Variants in TNFRSF1B observed in about 807,000 individuals in gnomAD.
TNFRSF1B encodes the protein tumor necrosis factor receptor superfamily member 1B.
Under a neutral mutation model 44.6 loss-of-function variants are expected in TNFRSF1B, and 19 were observed. The observed-to-expected ratio is 0.43, with a 90% confidence interval of 0.30 to 0.62. TNFRSF1B has a LOEUF of 0.62. Ranked by LOEUF, TNFRSF1B falls within the 20% of genes least tolerant of loss-of-function variation. The pLI, the probability that TNFRSF1B is intolerant of heterozygous loss-of-function variation, is 0.16. For synonymous variants in TNFRSF1B, 252 were observed against 261.1 expected (o/e 0.97, Z 0.34); for missense variants, 541 against 619.9 (o/e 0.87, Z 1.35).
At position 12,177,387 on chromosome 1, in the gene TNFRSF1B, G is replaced by C. The variant is rs947117557; in HGVS notation, c.78+10218G>C. ...TCGGTCACAGGGCCAGCCCGGTCCTGGTCACCGCTGGCTGGTTACCCCGGC... is the reference window on the plus strand; with the variant it reads ...TCGGTCACAGGGCCAGCCCGGTCCTCGTCACCGCTGGCTGGTTACCCCGGC... On this transcript the variant is annotated intron_variant, in intron 1 of 9. Coordinates refer to ENST00000376259, the MANE Select transcript of TNFRSF1B (RefSeq NM_001066.3). The surrounding 1 kb of genome is among the most constrained non-coding windows in gnomAD (Gnocchi z 4.3). Among the ~76,000 whole-genome samples, 1 of 152,124 alleles carries C rather than the reference G, an allele frequency of 6.6e-6. No individual in the cohort carries two copies. Among genetic ancestry groups the C allele is most frequent in the African/African-American group, 2.4e-5 (1 of 41,428 alleles).
chr1:12,202,330 G>A (rs561753096), intron 9 of TNFRSF1B, among the ~76,000 whole-genome samples, 159 bp downstream of exon 9: 15 of 152,222 alleles, frequency 9.9e-5, no homozygotes, highest in Non-Finnish European at 1.9e-4. Flanking sequence ...GTTCCCTCCC[G>A]CCTTTGCCCA....
At position 12,179,287 on chromosome 1, in the gene TNFRSF1B, C is replaced by T. The variant is rs1337038453; in HGVS notation, c.79-9509C>T. On this transcript the variant is annotated intron_variant, in intron 1 of 9. Coordinates refer to ENST00000376259, the MANE Select transcript of TNFRSF1B (RefSeq NM_001066.3). ...TCCTAACGCAGATGCCATTCCTCTC[C>T]GTGACGGCAGACGGGCCTCCGCTGT... Among the ~76,000 whole-genome samples, 6 of 152,182 alleles carry T rather than the reference C, an allele frequency of 3.9e-5. No individual in the cohort carries two copies. In the South Asian group the frequency reaches 6.2e-4, roughly 16 times the overall value.
At chr1:12,175,904 A>G (rs1297121641) in intron 1 of TNFRSF1B, among the ~76,000 whole-genome samples, 3 of 151,844 alleles carry the variant, frequency 2.0e-5, no homozygotes, top group Non-Finnish European at 2.9e-5. Flanking sequence ...GTGGGGAGAG[A>G]GATATGGAGG....
chr1:12,178,358 T>C lies in TNFRSF1B; in HGVS notation c.79-10438T>C, dbSNP rs1287551177. On this transcript the variant is annotated intron_variant, in intron 1 of 9. Coordinates refer to ENST00000376259, the MANE Select transcript of TNFRSF1B (RefSeq NM_001066.3). The surrounding 1 kb of genome is among the most constrained non-coding windows in gnomAD (Gnocchi z 4.3). Reference sequence around the variant, plus strand: ...CGGGCACGGTGCCAAGCACGCCACGTATACTGACTTCATGAATCATAAAGC... The same window carrying C: ...CGGGCACGGTGCCAAGCACGCCACGCATACTGACTTCATGAATCATAAAGC... Among the ~76,000 whole-genome samples the C allele has an allele frequency of 1.3e-5, 2 of 152,166 alleles. No individual in the cohort carries two copies. Among genetic ancestry groups the C allele is most frequent in the Non-Finnish European group, 2.9e-5 (2 of 68,032 alleles).
Position 12,202,989 on chromosome 1 carries a change from C to T in TNFRSF1B, c.1105+818C>T, listed in dbSNP as rs892581340. Among the ~76,000 whole-genome samples, 12 of 152,358 alleles carry T rather than the reference C, an allele frequency of 7.9e-5. No homozygotes were observed. The East Asian group carries it at 1.2e-3, about 15-fold the overall frequency. ...CTGTGGGGATTGTGTCCCATTTATGCAGGCTGCATTGTGCCCTGGACCTGG... is the reference window on the plus strand; with the variant it reads ...CTGTGGGGATTGTGTCCCATTTATGTAGGCTGCATTGTGCCCTGGACCTGG... On this transcript the variant is annotated intron_variant, in intron 9 of 9. Coordinates refer to ENST00000376259, the MANE Select transcript of TNFRSF1B (RefSeq NM_001066.3).
chr1:12,182,137 G>A (rs1200405293), intron 1 of TNFRSF1B, among the ~76,000 whole-genome samples: 1 of 152,222 alleles, frequency 6.6e-6, no homozygotes, highest in African/African-American at 2.4e-5. Flanking sequence ...TGGAGGTGAG[G>A]AGGCCTCTTT....
rs968607715 is a variant in TNFRSF1B, at chr1:12,169,885, A to G, written c.78+2716A>G. 6.6e-6 allele frequency among the ~76,000 whole-genome samples: 1 copy of G among 152,146 alleles called. No homozygotes were observed. Among genetic ancestry groups the G allele is most frequent in the Non-Finnish European group, 1.5e-5 (1 of 68,024 alleles). On this transcript the variant is annotated intron_variant, in intron 1 of 9. Coordinates refer to ENST00000376259, the MANE Select transcript of TNFRSF1B (RefSeq NM_001066.3). The surrounding 1 kb of genome is among the most constrained non-coding windows in gnomAD (Gnocchi z 4.5). Reference sequence around the variant, plus strand: ...TGGGCCTGGCCCACCTACCCCTGGAAGTCTTGGTGCTGAGGTGCCACTATT... The same window carrying G: ...TGGGCCTGGCCCACCTACCCCTGGAGGTCTTGGTGCTGAGGTGCCACTATT...
In TNFRSF1B at chr1:12,199,595, C is replaced by A. The variant is rs1639343511; in HGVS notation, c.901-2372C>A. Among the ~76,000 whole-genome samples the A allele has an allele frequency of 6.6e-6, 1 of 152,146 alleles. No individual in the cohort carries two copies. The highest frequency in any genetic ancestry group is 1.5e-5 in the Non-Finnish European group (1 of 68,026). ...TCAGGTGTCCGAGAAGCCATGGGAG[C>A]CGGGGGCTGCAGGGATTGGACAGAG... On this transcript the variant is annotated intron_variant, in intron 8 of 9. Transcript: ENST00000376259. This position sits in a 1 kb window ranked among gnomAD's most constrained non-coding sequence, Gnocchi z 4.0.
At chr1:12,175,351 G>A (rs1443785070) in intron 1 of TNFRSF1B, among the ~76,000 whole-genome samples, 1 of 152,226 alleles carries the variant, frequency 6.6e-6, no homozygotes, top group African/African-American at 2.4e-5. Context: ...CAGCAGGAGT[G>A]AGTGGCTTTG....
chr1:12,193,204 C>G (rs1392148906), intron 6 of TNFRSF1B, 106 bp downstream of exon 6: 23 of 998,410 alleles, frequency 2.3e-5, no homozygotes, highest in Non-Finnish European at 1.5e-6. Context: ...GGGGGCTGGA[C>G]CCTGTGCCCT....
intron 2 of TNFRSF1B, among the ~76,000 whole-genome samples, chr1:12,190,715 G>C (rs1235713548): frequency 6.6e-6 from 1 of 152,082 alleles, no homozygotes; most frequent in Non-Finnish European, 1.5e-5. Context: ...TAGGGCTCCA[G>C]TGGTGGAGGT....
rs913228756 is a variant in TNFRSF1B, at chr1:12,199,443, G to C, written c.901-2524G>C. ...CTTCTGCTCCTGCCACGGACCAGCT[G>C]TGTGATGCTGGGCACAGGATGCACT... On this transcript the variant is annotated intron_variant, in intron 8 of 9. Coordinates refer to ENST00000376259, the MANE Select transcript of TNFRSF1B (RefSeq NM_001066.3). This position sits in a 1 kb window ranked among gnomAD's most constrained non-coding sequence, Gnocchi z 4.0. 3.9e-5 allele frequency among the ~76,000 whole-genome samples: 6 copies of C among 152,274 alleles called. No homozygotes were observed. Among genetic ancestry groups the C allele is most frequent in the African/African-American group, 1.4e-4 (6 of 41,470 alleles).
intron 8 of TNFRSF1B, among the ~76,000 whole-genome samples, chr1:12,197,815 G>A (rs994170300): frequency 3.9e-5 from 6 of 152,236 alleles, no homozygotes; most frequent in East Asian, 3.9e-4. Flanking sequence ...AGACAGTGGC[G>A]TTCCTTTGTT....
In TNFRSF1B at chr1:12,207,041, T is replaced by A. The variant is rs1272713712; in HGVS notation, c.*21T>A. The stretch of plus-strand genomic sequence containing the variant: ...GTTAACCAGGCCGGTGTGGGCTGTG[T>A]CGTAGCCAAGGTGGGCTGAGCCCTG... On this transcript the variant is annotated 3_prime_UTR_variant, in exon 10 of 10. Coordinates refer to ENST00000376259, the MANE Select transcript of TNFRSF1B (RefSeq NM_001066.3). The A allele has an allele frequency of 4.5e-6, 7 of 1,547,552 alleles. No homozygotes were observed. In the African/African-American group the frequency reaches 9.6e-5, roughly 21 times the overall value.
rs1639406742 is a variant in TNFRSF1B, at chr1:12,202,107, G to C, written c.1041G>C (p.Gln347His). 3.2e-6 allele frequency: 5 copies of C among 1,574,576 alleles called. No homozygotes were observed. The Admixed American group carries it at 5.6e-5, about 18-fold the overall frequency. The change falls in exon 9 of 10, where the codon CAG becomes CAC. Residue 347 changes from glutamine (Q) to histidine (H), a missense_variant. Coordinates refer to ENST00000376259, the MANE Select transcript of TNFRSF1B (RefSeq NM_001066.3). ...ALDRRAPTRN[Q>H]PQAPGVEASG... is the part of the protein sequence containing the mutation. ...ACAGAAGGGCGCCCACTCGGAACCA[G>C]CCACAGGCACCAGGCGTGGAGGCCA...
chr1:12,192,794 T>G (rs976411216), intron 5 of TNFRSF1B, 69 bp from the exon 6 acceptor site: 6 of 1,386,888 alleles, frequency 4.3e-6, no homozygotes, highest in Admixed American at 1.9e-5. Context: ...CTGGGGCCCG[T>G]GAATGAGCCC....
At chr1:12,203,720 G>A (rs919296114) in intron 9 of TNFRSF1B, among the ~76,000 whole-genome samples, 4 of 152,122 alleles carry the variant, frequency 2.6e-5, no homozygotes, top group Non-Finnish European at 5.9e-5. Context: ...TCTTGGATTC[G>A]TCTGATTTTT....
chr1:12,167,929 C>A (rs1166609779), intron 1 of TNFRSF1B, among the ~76,000 whole-genome samples: 1 of 152,202 alleles, frequency 6.6e-6, no homozygotes. Flanking sequence ...ACGTCACTCC[C>A]ACAGTAGCAA....
chr1:12,192,489 G>T lies in TNFRSF1B; in HGVS notation c.516G>T (p.Thr172=). 6.2e-7 allele frequency: 1 copy of T among 1,614,092 alleles called. No individual in the cohort carries two copies. The highest frequency in any genetic ancestry group is 1.1e-5 in the South Asian group (1 of 91,064). Residue 172 remains threonine, a synonymous_variant, in exon 5 of 10, where the codon ACG becomes ACT. Transcript: ENST00000376259. ...GTGCCCCGGGGACGTTCTCCAACAC[G>T]ACTTCATCCACGGATATTTGCAGGC... is the stretch of plus-strand genomic sequence containing the variant. The part of the protein sequence containing the change: ...KPCAPGTFSN[T]TSSTDICRPH...
Sources: gnomAD v4.1 joint callset for allele counts (sites outside exome capture counted in the v4.1 genomes callset) on GRCh38, gnomAD v4.1.1 for gene constraint, Gnocchi (gnomAD v3.1) non-coding constraint, MANE v1.5 for transcripts, NCBI Gene and HGNC (gene_info 2026-07-23, HGNC 2026-07-21) for gene names.